Variants in SLC25A48 observed in about 807,000 individuals in gnomAD.
The protein encoded by SLC25A48 is solute carrier family 25 member 48, also known as CTC-321K16.1.
SLC25A48 carries 29 observed loss-of-function variants against 32.2 expected under a neutral mutation model. The observed-to-expected ratio is 0.90, with a 90% CI of 0.67 to 1.23. The LOEUF (loss-of-function observed/expected upper bound fraction) is 1.23, where lower values mean the gene tolerates loss of function less well. Ranked by LOEUF, SLC25A48 falls within the 50% of genes most tolerant of loss-of-function variation. The probability of loss-of-function intolerance (pLI) is 0.00; values close to 1 mark genes in which losing one functional copy is unlikely to be tolerated. For synonymous variants in SLC25A48, 164 were observed against 172.3 expected (o/e 0.95, Z 0.38); for missense variants, 399 against 422.7 (o/e 0.94, Z 0.49).
At chr5:135,627,960 C>T (rs1752475372) in intron 1 of SLC25A48, among the ~76,000 whole-genome samples, 1 of 152,142 alleles carries the variant, frequency 6.6e-6, no homozygotes, top group South Asian at 2.1e-4. Context: ...AGGCCCTGCC[C>T]ACCATGAACC....
At chr5:135,607,400 C>T (rs771789076) in intron 1 of SLC25A48, among the ~76,000 whole-genome samples, 5 of 152,162 alleles carry the variant, frequency 3.3e-5, no homozygotes, top group Admixed American at 2.0e-4. Flanking sequence ...CATGTGTGCA[C>T]GCATTCATCC....
chr5:135,873,988 T>G, intron 5 of SLC25A48, 33 bp from the exon 6 acceptor site: 2 of 1,517,338 alleles, frequency 1.3e-6, no homozygotes, highest in East Asian at 2.5e-5. Context: ...CCTAAGGAGC[T>G]AGCCCCTGAC....
intron 3 of SLC25A48, among the ~76,000 whole-genome samples, chr5:135,719,889 C>G (rs1005917526): frequency 6.6e-6 from 1 of 152,226 alleles, no homozygotes; most frequent in Non-Finnish European, 1.5e-5. Context: ...TCCACACTGA[C>G]TTGGTGGGAG....
chr5:135,691,483 A>G (rs895381962), intron 3 of SLC25A48, among the ~76,000 whole-genome samples: 3 of 152,220 alleles, frequency 2.0e-5, no homozygotes, highest in African/African-American at 7.2e-5. Context: ...TGGAAGAGCC[A>G]GGCACTGCAT....
chr5:135,611,523 A>AAAAAAAAAAAAAAAAAAAAAAGAAAAAG (rs1752067388), intron 1 of SLC25A48, among the ~76,000 whole-genome samples: 6 of 139,418 alleles, frequency 4.3e-5, no homozygotes, highest in African/African-American at 1.7e-4. Flanking sequence ...AAAAAAAAAA[A>AAAAAAAAAAAAAAAAAAAAAAGAAAAAG]AAAAGAAAAA....
At chr5:135,800,451 C>A (rs546897003) in intron 3 of SLC25A48, among the ~76,000 whole-genome samples, 1 of 151,888 alleles carries the variant, frequency 6.6e-6, no homozygotes, top group Non-Finnish European at 1.5e-5. Context: ...AATGTCCACA[C>A]CCCCTTGTGA....
intron 4 of SLC25A48, among the ~76,000 whole-genome samples, chr5:135,866,591 CA>C (rs909998424): frequency 6.6e-6 from 1 of 152,180 alleles, no homozygotes; most frequent in Non-Finnish European, 1.5e-5. Flanking sequence ...CCTGGACCTA[CA>C]ACCACCACAC....
At chr5:135,882,978 C>T in intron 7 of SLC25A48, 5 of 926,568 alleles carry the variant, frequency 5.4e-6, no homozygotes, top group Non-Finnish European at 6.4e-6. Context: ...CAAACCCAGT[C>T]TCCAAATGGG....
At chr5:135,589,819 C>T (rs931346362) in intron 1 of SLC25A48, among the ~76,000 whole-genome samples, 6 of 152,098 alleles carry the variant, frequency 3.9e-5, no homozygotes, top group African/African-American at 1.2e-4. Flanking sequence ...TTCAGCCTCC[C>T]GAGTAGCTGG....
At chr5:135,841,713 G>T (rs997438895) in intron 1 of SLC25A48, among the ~76,000 whole-genome samples, 9 of 151,170 alleles carry the variant, frequency 6.0e-5, no homozygotes, top group Admixed American at 2.6e-4. Flanking sequence ...GTGTGGGTGG[G>T]GGGTATAAAA....
chr5:135,857,217 C>T (rs1379454022), intron 4 of SLC25A48, among the ~76,000 whole-genome samples: 1 of 152,222 alleles, frequency 6.6e-6, no homozygotes, highest in Non-Finnish European at 1.5e-5. Flanking sequence ...CCAGCTTTCC[C>T]TGTACAGTAT....
intron 3 of SLC25A48, among the ~76,000 whole-genome samples, chr5:135,811,523 A>G (rs1411001931): frequency 6.6e-6 from 1 of 152,224 alleles, no homozygotes; most frequent in Non-Finnish European, 1.5e-5. Context: ...GTAACAATGT[A>G]TTGTGTTATT....
At chr5:135,713,249 C>A (rs1754713242) in intron 3 of SLC25A48, among the ~76,000 whole-genome samples, 1 of 152,158 alleles carries the variant, frequency 6.6e-6, no homozygotes. Context: ...GAAGCACTCA[C>A]CTAATATATA....
At chr5:135,805,858 G>T (rs1339048797) in intron 3 of SLC25A48, among the ~76,000 whole-genome samples, 1 of 151,388 alleles carries the variant, frequency 6.6e-6, no homozygotes, top group Admixed American at 6.6e-5. Context: ...CCCTGTGGGT[G>T]TATACCCTGT....
chr5:135,634,342 G>C (rs1055663947), intron 2 of SLC25A48, among the ~76,000 whole-genome samples: 1 of 152,246 alleles, frequency 6.6e-6, no homozygotes, highest in African/African-American at 2.4e-5. Context: ...CCATTCAGGA[G>C]GGAAGGGCGA....
intron 7 of SLC25A48, among the ~76,000 whole-genome samples, chr5:135,881,247 T>C (rs1281251717): frequency 6.6e-6 from 1 of 152,234 alleles, no homozygotes; most frequent in African/African-American, 2.4e-5. Context: ...TCAGTCTTGG[T>C]TAGCACAAAT....
chr5:135,887,883 C>A, intron 7 of SLC25A48, 149 bp from the exon 8 acceptor site: 1 of 735,528 alleles, frequency 1.4e-6, no homozygotes, highest in Non-Finnish European at 2.3e-6. Flanking sequence ...CTTTGCACAG[C>A]TTCCACAAGA....
chr5:135,824,300 G>T (rs918729877), intron 4 of SLC25A48: 4 of 152,372 alleles, frequency 2.6e-5, no homozygotes, highest in African/African-American at 9.7e-5. Context: ...TTTGGGCTTT[G>T]TAAGACCCCT....
intron 4 of SLC25A48, among the ~76,000 whole-genome samples, chr5:135,859,334 C>G (rs1760591900): frequency 6.6e-6 from 1 of 152,070 alleles, no homozygotes; most frequent in South Asian, 2.1e-4. Context: ...TTTATAAAAC[C>G]ATCAGATCTC....
Sources: allele counts gnomAD v4.1 joint callset (sites outside exome capture counted in the v4.1 genomes callset), GRCh38; gene constraint gnomAD v4.1.1; transcripts MANE v1.5; gene names NCBI Gene and HGNC (gene_info 2026-07-23, HGNC 2026-07-21).